Variants in DDAH1 observed in about 807,000 individuals in gnomAD.
DDAH1 encodes N(G),N(G)-dimethylarginine dimethylaminohydrolase 1.
DDAH1 carries 19 observed loss-of-function variants against 28.8 expected under a neutral mutation model. The observed-to-expected ratio is 0.66, with a 90% CI of 0.46 to 0.97. DDAH1 has a LOEUF of 0.97. Ranked by LOEUF, DDAH1 falls within the 50% of genes least tolerant of loss-of-function variation. The pLI, the probability that DDAH1 is intolerant of heterozygous loss-of-function variation, is 0.00. For missense variants in DDAH1, 326 were observed against 375.9 expected, an observed-to-expected ratio of 0.87 and a Z score of 1.10; for synonymous variants, 153 against 154.4, an observed-to-expected ratio of 0.99 and a Z score of 0.07.
At chr1:85,404,380 C>T (rs1365108831) in intron 1 of DDAH1, 1 of 1,535,150 alleles carries the variant, frequency 6.5e-7, no homozygotes, top group South Asian at 1.2e-5. Context: ...TTTGTCCTTA[C>T]CATAGCTGAC....
chr1:85,405,325 G>A (rs1034712051), intron 1 of DDAH1, among the ~76,000 whole-genome samples: 9 of 152,154 alleles, frequency 5.9e-5, no homozygotes, highest in African/African-American at 2.2e-4. Flanking sequence ...AGCATCTGAG[G>A]AAAAGATCTT....
At chr1:85,530,962 G>A (rs1202294365) in intron 1 of DDAH1, among the ~76,000 whole-genome samples, 5 of 131,458 alleles carry the variant, frequency 3.8e-5, no homozygotes, top group Non-Finnish European at 7.8e-5. Flanking sequence ...TTGCAGTCCA[G>A]CCTGGGTGAT....
intron 1 of DDAH1, among the ~76,000 whole-genome samples, chr1:85,533,082 T>C (rs1217472820): frequency 2.6e-5 from 4 of 152,230 alleles, no homozygotes; most frequent in African/African-American, 4.8e-5. Flanking sequence ...TTTACTAAAC[T>C]GGAGAAAACT....
intron 2 of DDAH1, chr1:85,493,903 G>T (rs184888370): frequency 1.3e-5 from 2 of 152,306 alleles, no homozygotes; most frequent in African/African-American, 4.8e-5. Context: ...GGCTAACTGT[G>T]TATTTCTAGT....
chr1:85,565,699 A>G (rs1210325055), intron 1 of DDAH1, among the ~76,000 whole-genome samples: 2 of 152,262 alleles, frequency 1.3e-5, no homozygotes, highest in African/African-American at 4.8e-5. Context: ...TAATACCTAA[A>G]CAAAGGAATA....
At chr1:85,386,915 T>C (rs934998597) in intron 1 of DDAH1, among the ~76,000 whole-genome samples, 1 of 152,200 alleles carries the variant, frequency 6.6e-6, no homozygotes, top group African/African-American at 2.4e-5. Context: ...CAAGGCTTAT[T>C]AAGGCTTATA....
rs542515975 is a variant in DDAH1, at chr1:85,518,428, T to A, written c.-122-22147A>T. ...GTTGGCAGAATTCAGTTCCATGTGG[T>A]TGTAAGACCGAGATCTCTCTTTCCT... On this transcript the variant is annotated intron_variant, in intron 1 of 6. Transcript: ENST00000426972. Among the ~76,000 whole-genome samples, 292 of 152,298 alleles carry A rather than the reference T, an allele frequency of 1.9e-3. 2 individuals carry two copies. Among genetic ancestry groups the A allele is most frequent in the African/African-American group, 6.8e-3 (282 of 41,538 alleles).
intron 1 of DDAH1, among the ~76,000 whole-genome samples, chr1:85,496,770 C>T (rs997217291): frequency 3.9e-5 from 6 of 152,168 alleles, no homozygotes; most frequent in Non-Finnish European, 8.8e-5. Context: ...ATGAAATTGT[C>T]TACACAAATA....
At chr1:85,366,815 G>A (rs1231370262) in intron 1 of DDAH1, among the ~76,000 whole-genome samples, 1 of 152,134 alleles carries the variant, frequency 6.6e-6, no homozygotes, top group African/African-American at 2.4e-5. Context: ...GGGAAACAAA[G>A]AGTGTGTCAA....
chr1:85,375,503 T>C (rs1437134635), intron 1 of DDAH1, among the ~76,000 whole-genome samples: 1 of 152,134 alleles, frequency 6.6e-6, no homozygotes, highest in Non-Finnish European at 1.5e-5. Flanking sequence ...TTCCAAAGTG[T>C]ATGGGAAAAA....
At chr1:85,365,285 T>C (rs1481266753) in intron 1 of DDAH1, among the ~76,000 whole-genome samples, 1 of 152,184 alleles carries the variant, frequency 6.6e-6, no homozygotes, top group Non-Finnish European at 1.5e-5. Flanking sequence ...GTATCTACAA[T>C]GAAATCGAGT....
rs147114994 is a variant in DDAH1, at chr1:85,431,038, T to C, written c.303+33705A>G. On this transcript the variant is annotated intron_variant, in intron 1 of 5. Coordinates refer to ENST00000284031, the MANE Select transcript of DDAH1 (RefSeq NM_012137.4). ...ATATTGGCTGTGGGTCTGTCATAAA[T>C]AGCTCTTATTATTTTGAGGTATGTT... 6.6e-5 allele frequency among the ~76,000 whole-genome samples: 10 copies of C among 152,312 alleles called. No homozygotes were observed. In the East Asian group the frequency reaches 1.9e-3, roughly 29 times the overall value.
chr1:85,448,746 C>G (rs576881775), intron 1 of DDAH1, among the ~76,000 whole-genome samples: 1 of 152,238 alleles, frequency 6.6e-6, no homozygotes, highest in African/African-American at 2.4e-5. Context: ...CCACGAAACA[C>G]AGGAAATCTA....
At position 85,400,177 on chromosome 1, in the gene DDAH1, C is replaced by CTTTTTTTTTTTT. The variant is rs61677601; in HGVS notation, c.304-41342_304-41331dup. 3.8e-4 allele frequency among the ~76,000 whole-genome samples: 21 copies of CTTTTTTTTTTTT among 54,860 alleles called. 1 individual carries two copies. The highest frequency in any genetic ancestry group is 5.7e-4 in the Non-Finnish European group (14 of 24,682). 36.0% of individuals were successfully genotyped at this position (54,860 alleles called of 152,430 possible). On this transcript the variant is annotated intron_variant, in intron 1 of 5. Transcript: ENST00000284031. ...TGCAGGAATTCCTTTCTTTTCTTTT[C>CTTTTTTTTTTTT]TTTTTTTTTTTTTTTTTTTTTTTTT...
intron 1 of DDAH1, among the ~76,000 whole-genome samples, chr1:85,448,583 C>T (rs1030802676): frequency 1.3e-5 from 2 of 152,082 alleles, no homozygotes; most frequent in Non-Finnish European, 2.9e-5. Flanking sequence ...GCTCTGCATC[C>T]CATCAATAGG....
chr1:85,436,691 G>A (rs1359809260), intron 1 of DDAH1, among the ~76,000 whole-genome samples: 2 of 152,152 alleles, frequency 1.3e-5, no homozygotes, highest in East Asian at 3.9e-4. Flanking sequence ...TATTATGGTG[G>A]GGGTGAGAAG....
At chr1:85,429,605 T>C (rs902580190) in intron 1 of DDAH1, among the ~76,000 whole-genome samples, 14 of 152,212 alleles carry the variant, frequency 9.2e-5, no homozygotes, top group Non-Finnish European at 5.9e-5. Context: ...ACTTCCACAA[T>C]GGTTGAACTA....
intron 1 of DDAH1, among the ~76,000 whole-genome samples, chr1:85,439,785 T>C (rs1654108854): frequency 6.6e-6 from 1 of 152,220 alleles, no homozygotes; most frequent in Non-Finnish European, 1.5e-5. Context: ...CTTGTAAGAA[T>C]AACAAGACAA....
intron 1 of DDAH1, among the ~76,000 whole-genome samples, chr1:85,444,242 C>T (rs757077975): frequency 4.6e-5 from 7 of 152,034 alleles, no homozygotes; most frequent in Admixed American, 2.0e-4. Flanking sequence ...TGAATTTTGT[C>T]GAAGGTCTTT....
Sources: allele counts gnomAD v4.1 joint callset (sites outside exome capture counted in the v4.1 genomes callset), GRCh38; gene constraint gnomAD v4.1.1; transcripts MANE v1.5; gene names NCBI Gene and HGNC (gene_info 2026-07-23, HGNC 2026-07-21).